COPS2: variants seen among roughly 807,000 people sequenced by gnomAD.
The protein encoded by COPS2 is COP9 signalosome complex subunit 2.
COPS2 carries 10 observed loss-of-function variants against 66.1 expected under a neutral mutation model. The observed-to-expected ratio is 0.15, with a 90% CI of 0.09 to 0.26. COPS2 has a LOEUF of 0.26. Ranked by LOEUF, COPS2 falls within the 10% of genes least tolerant of loss-of-function variation. The pLI is 1.00. For synonymous variants in COPS2, 179 were observed against 171.3 expected, an observed-to-expected ratio of 1.04 and a Z score of -0.35; for missense variants, 215 against 513.3, an observed-to-expected ratio of 0.42 and a Z score of 5.62.
In COPS2 at chr15:49,134,524, C is replaced by A. The variant is rs774222853; in HGVS notation, c.541-10G>T. On this transcript the variant is annotated splice_polypyrimidine_tract_variant and intron_variant, in intron 6 of 12. Transcript: ENST00000388901. ...CTTCTCCATCATCAGTCTAGGAAAG[C>A]AAATATTTAACTTTAGACAAGATAG... The A allele has an allele frequency of 1.9e-6, 3 of 1,594,450 alleles. No homozygotes were observed. Among genetic ancestry groups the A allele is most frequent in the Admixed American group, 3.5e-5 (2 of 57,868 alleles).
chr15:49,127,882 C>T lies in COPS2; in HGVS notation c.*68G>A, dbSNP rs2084179737. Reference sequence around the variant, plus strand: ...ATCAACCGACAGTAGTTTTGCCATTCCCAGTTCTTTTAAGGATTACATCTC... The same window carrying T: ...ATCAACCGACAGTAGTTTTGCCATTTCCAGTTCTTTTAAGGATTACATCTC... On this transcript the variant is annotated 3_prime_UTR_variant, in exon 13 of 13. Coordinates refer to ENST00000388901, the MANE Select transcript of COPS2 (RefSeq NM_004236.4). The T allele has an allele frequency of 6.7e-7, 1 of 1,486,312 alleles. No individual in the cohort carries two copies. The highest frequency in any genetic ancestry group is 9.1e-7 in the Non-Finnish European group (1 of 1,099,164). The allele number at this position is 1,486,312 out of a possible 1,614,324, so 92.1% of individuals were successfully genotyped here.
intron 1 of COPS2, among the ~76,000 whole-genome samples, chr15:49,145,749 C>A (rs2084316860): frequency 6.6e-6 from 1 of 151,702 alleles, no homozygotes; most frequent in Admixed American, 6.6e-5. Flanking sequence ...GGAAAAAAAA[C>A]AAGGCAGAAG....
At chr15:49,152,098 A>C (rs1349742841) in intron 1 of COPS2, among the ~76,000 whole-genome samples, 1 of 151,816 alleles carries the variant, frequency 6.6e-6, no homozygotes, top group Non-Finnish European at 1.5e-5. Context: ...ATTTTCCAAA[A>C]AACAATACAT....
chr15:49,133,519 GCAGA>G (rs965344745), intron 9 of COPS2, among the ~76,000 whole-genome samples: 25 of 151,898 alleles, frequency 1.6e-4, no homozygotes, highest in African/African-American at 5.6e-4. Flanking sequence ...TCGTGCGTGC[GCAGA>G]CAGACAGACA....
At position 49,152,846 on chromosome 15, in the gene COPS2, T is replaced by C. The variant is rs747237908; in HGVS notation, c.54+2679A>G. On this transcript the variant is annotated intron_variant, in intron 1 of 12. Transcript: ENST00000388901. Reference sequence around the variant, plus strand: ...TCAAAAAAAAAAGTTAAAGCAATTATATATTCAACTTCATTTTACTGCTCA... The same window carrying C: ...TCAAAAAAAAAAGTTAAAGCAATTACATATTCAACTTCATTTTACTGCTCA... Among the ~76,000 whole-genome samples, 19 of 152,194 alleles carry C rather than the reference T, an allele frequency of 1.2e-4. 1 individual carries two copies. The Middle Eastern group carries it at 0.01, about 82-fold the overall frequency.
At chr15:49,132,543 G>A (rs2084218776) in intron 9 of COPS2, among the ~76,000 whole-genome samples, 1 of 134,914 alleles carries the variant, frequency 7.4e-6, no homozygotes, top group Non-Finnish European at 1.5e-5. Flanking sequence ...TAGAACTTCT[G>A]GTCACCTAAA....
rs560919330 is a variant in COPS2, at chr15:49,154,448, A to G, written c.54+1077T>C. 2.6e-5 allele frequency among the ~76,000 whole-genome samples: 4 copies of G among 152,314 alleles called. No homozygotes were observed. The South Asian group carries it at 8.3e-4, about 32-fold the overall frequency. ...AAGTGTGCCTTATTTTAAAATGCAA[A>G]AAACTGAAAATATATACGAAAAAGT... On this transcript the variant is annotated intron_variant, in intron 1 of 12. Transcript: ENST00000388901.
intron 6 of COPS2, among the ~76,000 whole-genome samples, chr15:49,134,828 T>C (rs558223221): frequency 2.0e-5 from 3 of 152,322 alleles, no homozygotes; most frequent in East Asian, 1.9e-4. Flanking sequence ...TAGTATGTTT[T>C]TTCCTATATA....
In COPS2 at chr15:49,145,756, G is replaced by A. The variant is rs372853053; in HGVS notation, c.55-678C>T. 5.3e-5 allele frequency among the ~76,000 whole-genome samples: 8 copies of A among 152,170 alleles called. No individual in the cohort carries two copies. In the East Asian group the frequency reaches 1.4e-3, roughly 26 times the overall value. ...TTCTTAGTGGAAAAAAAACAAGGCA[G>A]AAGGGAAAACTGGAATAAAACAACT... is the stretch of plus-strand genomic sequence containing the variant. On this transcript the variant is annotated intron_variant, in intron 1 of 12. Transcript: ENST00000388901.
At chr15:49,129,924 A>G (rs959869398) in intron 10 of COPS2, among the ~76,000 whole-genome samples, 28 of 152,184 alleles carry the variant, frequency 1.8e-4, no homozygotes, top group African/African-American at 5.8e-4. Flanking sequence ...CTAGAGTACT[A>G]TATTTTATAT....
At chr15:49,135,929 T>C (rs1183140637) in intron 6 of COPS2, among the ~76,000 whole-genome samples, 1 of 152,204 alleles carries the variant, frequency 6.6e-6, no homozygotes. Flanking sequence ...ATATACATAC[T>C]GAAAGACCCT....
intron 5 of COPS2, 43 bp downstream of exon 5, chr15:49,137,305 C>G: frequency 6.5e-7 from 1 of 1,534,508 alleles, no homozygotes; most frequent in Non-Finnish European, 9.0e-7. Context: ...TAAAAACACC[C>G]ACCCACTTTT....
chr15:49,148,131 G>A (rs202127080), intron 1 of COPS2, among the ~76,000 whole-genome samples: 2 of 152,150 alleles, frequency 1.3e-5, no homozygotes, highest in East Asian at 1.9e-4. Context: ...TGAAGTCTTT[G>A]GAAGAACAAT....
intron 8 of COPS2, 31 bp from the exon 9 acceptor site, chr15:49,133,842 A>G: frequency 1.3e-6 from 2 of 1,550,626 alleles, no homozygotes; most frequent in Non-Finnish European, 8.7e-7. Context: ...AATTAAATAT[A>G]TGTACAAAGA....
intron 1 of COPS2, among the ~76,000 whole-genome samples, chr15:49,145,848 T>C (rs2084317557): frequency 1.3e-5 from 2 of 152,068 alleles, no homozygotes; most frequent in African/African-American, 4.8e-5. Flanking sequence ...TAATGAGGAT[T>C]ACAAAATACA....
chr15:49,141,410 A>G (rs1284857777), intron 3 of COPS2, among the ~76,000 whole-genome samples: 2 of 152,036 alleles, frequency 1.3e-5, no homozygotes, highest in Non-Finnish European at 2.9e-5. Flanking sequence ...GGAGGAGGAT[A>G]GCTTGAGCCC....
chr15:49,153,483 T>C (rs983844376), intron 1 of COPS2, among the ~76,000 whole-genome samples: 1 of 152,214 alleles, frequency 6.6e-6, no homozygotes, highest in African/African-American at 2.4e-5. Context: ...ATAGCCATTA[T>C]GGAGATTTCT....
intron 1 of COPS2, among the ~76,000 whole-genome samples, chr15:49,153,924 T>C (rs925764605): frequency 6.6e-6 from 1 of 152,140 alleles, no homozygotes; most frequent in East Asian, 1.9e-4. Flanking sequence ...GTTAATGGTA[T>C]GTACAAACCA....
At chr15:49,132,392 A>G (rs1313833272) in intron 9 of COPS2, among the ~76,000 whole-genome samples, 1 of 151,902 alleles carries the variant, frequency 6.6e-6, no homozygotes, top group Non-Finnish European at 1.5e-5. Flanking sequence ...TTCTTTAAAA[A>G]AAGTTAAATG....
Sources: allele counts gnomAD v4.1 joint callset (sites outside exome capture counted in the v4.1 genomes callset), GRCh38; gene constraint gnomAD v4.1.1; transcripts MANE v1.5; gene names NCBI Gene and HGNC (gene_info 2026-07-23, HGNC 2026-07-21).